Variants in ARHGAP27 observed in about 807,000 individuals in gnomAD.
The protein encoded by ARHGAP27 is rho GTPase-activating protein 27.
In ARHGAP27, 53 loss-of-function variants were observed where a neutral mutation model predicts 102.0. The observed-to-expected ratio is 0.52, with a 90% CI of 0.42 to 0.65. The LOEUF (loss-of-function observed/expected upper bound fraction) is 0.65. Among genes scored for constraint, ARHGAP27 ranks in the 30% least tolerant of loss-of-function variants. The probability of loss-of-function intolerance (pLI) is 0.00; values close to 1 mark genes in which losing one functional copy is unlikely to be tolerated. For synonymous variants in ARHGAP27, 525 were observed against 542.8 expected (o/e 0.97, Z 0.46); for missense variants, 1,117 against 1,256.2 (o/e 0.89, Z 1.68).
chr17:45,413,727 G>A (rs1461466904), intron 4 of ARHGAP27, among the ~76,000 whole-genome samples: 2 of 152,086 alleles, frequency 1.3e-5, no homozygotes, highest in Non-Finnish European at 2.9e-5. Context: ...CTGGGGTGGG[G>A]CATCCTCAGG....
intron 6 of ARHGAP27, 33 bp downstream of exon 6, chr17:45,404,891 G>A: frequency 6.2e-7 from 1 of 1,613,972 alleles, no homozygotes; most frequent in Non-Finnish European, 8.5e-7. Context: ...AGGACTCTGA[G>A]GCTGTCCGGG....
At chr17:45,396,646 G>T (rs758902536) in intron 15 of ARHGAP27, 22 bp downstream of exon 15, 1 of 1,612,710 alleles carries the variant, frequency 6.2e-7, no homozygotes. Flanking sequence ...CCGGGTCCCC[G>T]CCCCCCGCAG....
rs2144101960 is a variant in ARHGAP27, at chr17:45,395,638, G to T, written c.2493-5C>A. 2 of 1,598,772 alleles carry T rather than the reference G, an allele frequency of 1.3e-6. No homozygotes were observed. Among genetic ancestry groups the T allele is most frequent in the Admixed American group, 1.7e-5 (1 of 58,504 alleles). The stretch of plus-strand genomic sequence containing the variant: ...TGCTCGCCGTGCTCGATCACCCTGT[G>T]GCAGGGGTGGGTGGGTTCAGGGCTC... On this transcript the variant is annotated splice_region_variant and splice_polypyrimidine_tract_variant and intron_variant, in intron 19 of 19. Coordinates refer to ENST00000685559, the MANE Select transcript of ARHGAP27 (RefSeq NM_001282290.2).
chr17:45,417,888 C>G (rs1356439320), intron 4 of ARHGAP27, among the ~76,000 whole-genome samples: 2 of 151,832 alleles, frequency 1.3e-5, no homozygotes, highest in Non-Finnish European at 2.9e-5. Flanking sequence ...CCCGTCTCTA[C>G]TAAAAATATA....
chr17:45,404,145 G>C (rs1680918201), intron 9 of ARHGAP27, 49 bp from the exon 10 acceptor site: 1 of 1,610,540 alleles, frequency 6.2e-7, no homozygotes, highest in South Asian at 1.1e-5. Context: ...GTTAAGGGGT[G>C]AGCTATGGGG....
At chr17:45,429,462 A>G in intron 4 of ARHGAP27, 161 bp downstream of exon 4, 1 of 1,470,484 alleles carries the variant, frequency 6.8e-7, no homozygotes, top group African/African-American at 1.5e-5. Context: ...TGCACCCCTC[A>G]CGTTTCGCGG....
chr17:45,417,629 T>C (rs1051511293), intron 4 of ARHGAP27, among the ~76,000 whole-genome samples: 7 of 151,106 alleles, frequency 4.6e-5, no homozygotes, highest in Non-Finnish European at 1.0e-4. Flanking sequence ...TAGCCAGGTG[T>C]GGTGGCACTT....
intron 4 of ARHGAP27, among the ~76,000 whole-genome samples, chr17:45,423,585 ACATAT>A (rs760999105): frequency 7.2e-4 from 109 of 152,268 alleles, no homozygotes; most frequent in African/African-American, 2.6e-3. Flanking sequence ...CTCTCTGCAG[ACATAT>A]CATATCATAT....
In ARHGAP27 at chr17:45,419,667, C is replaced by T. The variant is rs562372061; in HGVS notation, c.657+9956G>A. Among the ~76,000 whole-genome samples, 4 of 149,542 alleles carry T rather than the reference C, an allele frequency of 2.7e-5. No individual in the cohort carries two copies. The East Asian group carries it at 7.9e-4, about 29-fold the overall frequency. On this transcript the variant is annotated intron_variant, in intron 4 of 19. Coordinates refer to ENST00000685559, the MANE Select transcript of ARHGAP27 (RefSeq NM_001282290.2). ...TTGTGTGGCAAAATAATGCTATTAG[C>T]AGAGTCAAAAGACAACTCAGGGTGG...
chr17:45,423,221 G>A (rs62064646), intron 4 of ARHGAP27, among the ~76,000 whole-genome samples: 25,325 of 152,148 alleles, frequency 0.17, 2,335 homozygotes, highest in Middle Eastern at 0.24. Flanking sequence ...TTTTTCTTAT[G>A]TGTCTGTGAA....
chr17:45,424,207 A>C (rs758282808), intron 4 of ARHGAP27, among the ~76,000 whole-genome samples: 25 of 152,346 alleles, frequency 1.6e-4, no homozygotes, highest in Non-Finnish European at 3.4e-4. Flanking sequence ...TGCAGGCCTC[A>C]CCCGGCTCAG....
At chr17:45,417,739 G>A (rs1320421814) in intron 4 of ARHGAP27, among the ~76,000 whole-genome samples, 2 of 147,216 alleles carry the variant, frequency 1.4e-5, no homozygotes, top group Admixed American at 7.0e-5. Flanking sequence ...GGGTGACAGA[G>A]CAAGATTCTG....
In ARHGAP27 at chr17:45,395,771, A is replaced by G. The variant is rs1475843507; in HGVS notation, c.2465T>C (p.Leu822Pro). ...RSLPAPNHDT[L>P]RMLFQHLCRV... is the part of the protein sequence containing the mutation. ...GCAGAGGTGCTGGAAGAGCATCCGC[A>G]GAGTGTCGTGGTTGGGAGCGGGCAG... Residue 822 changes from leucine (L) to proline (P), a missense_variant, in exon 19 of 20, where the codon CTG (leucine) becomes CCG (proline). Around this residue, in one of 3 missense-constraint regions of ARHGAP27, gnomAD observed 493 missense variants for 505.5 expected, o/e 0.98. Coordinates refer to ENST00000685559, the MANE Select transcript of ARHGAP27 (RefSeq NM_001282290.2). 1.2e-6 allele frequency: 2 copies of G among 1,602,780 alleles called. No homozygotes were observed. Among genetic ancestry groups the G allele is most frequent in the Non-Finnish European group, 1.7e-6 (2 of 1,177,204 alleles).
intron 4 of ARHGAP27, among the ~76,000 whole-genome samples, chr17:45,411,549 C>T (rs991417748): frequency 1.3e-5 from 2 of 152,034 alleles, no homozygotes; most frequent in South Asian, 2.1e-4. Context: ...ATGTGGGGCA[C>T]GAGACACTTG....
At chr17:45,397,748 G>C (rs2144211957) in intron 13 of ARHGAP27, 1 of 436,448 alleles carries the variant, frequency 2.3e-6, no homozygotes, top group African/African-American at 2.0e-5. Flanking sequence ...GAGTCTTCCT[G>C]CAGGGCCAAC....
rs1356850737 is a variant in ARHGAP27, at chr17:45,396,025, G to A, written c.2344C>T (p.Leu782Phe). 6 of 1,613,842 alleles carry A rather than the reference G, an allele frequency of 3.7e-6. No individual in the cohort carries two copies. The highest frequency in any genetic ancestry group is 5.1e-6 in the Non-Finnish European group (6 of 1,179,870). Residue 782 changes from leucine to phenylalanine, a missense_variant, in exon 18 of 20, where the codon CTC (leucine) becomes TTC (phenylalanine). This residue lies in a region of ARHGAP27 where 493 missense variants were observed against 505.5 expected (regional missense o/e 0.98). Coordinates refer to ENST00000685559, the MANE Select transcript of ARHGAP27 (RefSeq NM_001282290.2). Reference sequence around the variant, plus strand: ...TGGCGGAAGTGCGAGAAGGGGAAGAGGGGCTCGGGCAGCTCCCGAAAGAAG... The same window carrying A: ...TGGCGGAAGTGCGAGAAGGGGAAGAAGGGCTCGGGCAGCTCCCGAAAGAAG... The part of the protein sequence containing the change: ...KLFFRELPEP[L>F]FPFSHFRQFI...
intron 13 of ARHGAP27, chr17:45,397,721 C>G: frequency 2.4e-6 from 1 of 410,734 alleles, no homozygotes; most frequent in Non-Finnish European, 4.3e-6. Flanking sequence ...TTAGAATGTG[C>G]CCTACCCTCA....
Position 45,395,806 on chromosome 17 carries a change from C to G in ARHGAP27, c.2430G>C (p.Leu810Phe). The part of the protein sequence containing the change: ...QARRSRCVRD[L>F]VRSLPAPNHD... ...GGTTGGGAGCGGGCAGCGAGCGCACCAAGTCACGCACACAGCGGCTGCGCC... is the reference window on the plus strand; with the variant it reads ...GGTTGGGAGCGGGCAGCGAGCGCACGAAGTCACGCACACAGCGGCTGCGCC... Residue 810 changes from leucine to phenylalanine, a missense_variant, in exon 19 of 20, where the codon TTG (leucine) becomes TTC (phenylalanine). Physicochemically the swap from Leu to Phe is conservative, Grantham distance 22. This residue lies in a region of ARHGAP27 where 493 missense variants were observed against 505.5 expected (regional missense o/e 0.98). Transcript: ENST00000685559. 1 of 1,606,714 alleles carries G rather than the reference C, an allele frequency of 6.2e-7. No homozygotes were observed. Among genetic ancestry groups the G allele is most frequent in the Non-Finnish European group, 8.5e-7 (1 of 1,177,764 alleles).
chr17:45,396,646 G>A (rs758902536), intron 15 of ARHGAP27, 22 bp downstream of exon 15: 23 of 1,612,592 alleles, frequency 1.4e-5, no homozygotes, highest in Non-Finnish European at 1.8e-5. Flanking sequence ...CCGGGTCCCC[G>A]CCCCCCGCAG....
Sources: gnomAD v4.1 joint callset for allele counts (sites outside exome capture counted in the v4.1 genomes callset) on GRCh38, gnomAD v4.1.1 for gene constraint, gnomAD v4.1.1 regional missense constraint, MANE v1.5 for transcripts, NCBI Gene and HGNC (gene_info 2026-07-23, HGNC 2026-07-21) for gene names.